The following ADORA3 variants were observed in gnomAD, a reference collection of about 807,000 sequenced individuals.
ADORA3 encodes adenosine A3 receptor, also known as adenosine receptor A3.
A neutral mutation model predicts 5.7 loss-of-function variants in ADORA3; 3 were observed. The ratio of observed to expected loss-of-function variants is 0.52; its 90% CI spans 0.24 to 1.35. ADORA3 has a LOEUF of 1.35. ADORA3 is among the 40% of genes most tolerant of loss of function. The probability of loss-of-function intolerance (pLI) is 0.17; values close to 1 mark genes in which losing one functional copy is unlikely to be tolerated. For synonymous variants in ADORA3, 168 were observed against 152.3 expected (o/e 1.10, Z -0.76); for missense variants, 343 against 389.0 (o/e 0.88, Z 0.99).
intron 1 of ADORA3, among the ~76,000 whole-genome samples, chr1:111,501,981 G>A (rs1416384906): frequency 6.8e-6 from 1 of 146,412 alleles, no homozygotes; most frequent in Non-Finnish European, 1.5e-5. Flanking sequence ...ATCTCAGGAG[G>A]AGGAGGAAAA....
At chr1:111,501,888 G>A (rs1655195399) in intron 1 of ADORA3, among the ~76,000 whole-genome samples, 1 of 151,464 alleles carries the variant, frequency 6.6e-6, no homozygotes, top group African/African-American at 2.4e-5. Flanking sequence ...GTCACCCGGG[G>A]AAGTAGATTT....
rs1655086773 is a variant in ADORA3 at position 111,500,097 on chromosome 1, C to G, written c.810G>C (p.Leu270=). Residue 270 remains leucine, a synonymous_variant, in exon 2 of 2, where the codon CTG becomes CTC. Transcript: ENST00000241356. ...GGTTCATCATGGAGTTGGCATGGGA[C>G]AGCAGGATGCCCATGTACAGCACAA... The part of the protein sequence containing the change: ...PQLVLYMGIL[L]SHANSMMNPI... 2 of 1,614,020 alleles carry G rather than the reference C, an allele frequency of 1.2e-6. No individual in the cohort carries two copies. The highest frequency in any genetic ancestry group is 1.7e-5 in the Admixed American group (1 of 60,006).
Position 111,499,600 on chromosome 1 carries a change from T to C in ADORA3, c.*350A>G, listed in dbSNP as rs75048140. ...TGGAAATGAGTCACCACCACACACA[T>C]GTTCAGCCCAACTGGAGCCTTTTGT... is the stretch of plus-strand genomic sequence containing the variant. On this transcript the variant is annotated 3_prime_UTR_variant, in exon 2 of 2. Transcript: ENST00000241356. 1,450 of 1,081,158 alleles carry C rather than the reference T, an allele frequency of 1.3e-3. 16 individuals carry two copies. In the African/African-American group the frequency reaches 0.023, roughly 17 times the overall value. 67.0% of individuals were successfully genotyped at this position (1,081,158 alleles called of 1,614,324 possible). A position where few individuals can be genotyped will look rare whatever the true frequency, so the allele number is the denominator to read the frequency against.
In ADORA3 at chr1:111,499,745, T is replaced by A. The variant is rs1290358095; in HGVS notation, c.*205A>T. 1.4e-6 allele frequency: 2 copies of A among 1,399,486 alleles called. No individual in the cohort carries two copies. Among genetic ancestry groups the A allele is most frequent in the African/African-American group, 1.4e-5 (1 of 69,092 alleles). The allele number at this position is 1,399,486 out of a possible 1,614,324, so 86.7% of individuals were successfully genotyped here. ...AAGTCAGGCCTCCAAAACACTGAAT[T>A]AGAGAGAAAGGACAAGGGAAAAATG... On this transcript the variant is annotated 3_prime_UTR_variant, in exon 2 of 2. Transcript: ENST00000241356.
Position 111,503,491 on chromosome 1 carries a change from A to T in ADORA3, c.-137T>A. ...ACAGTCTAAAATTCCCAACTTGCTC[A>T]TTCCTACCCTTTTCTGGTGGGGTGA... On this transcript the variant is annotated 5_prime_UTR_variant, in exon 1 of 2. It removes an upstream start codon present in the reference 5' UTR. Coordinates refer to ENST00000241356, the MANE Select transcript of ADORA3 (RefSeq NM_000677.4). 2 of 1,448,318 alleles carry T rather than the reference A, an allele frequency of 1.4e-6. No homozygotes were observed. The highest frequency in any genetic ancestry group is 1.8e-6 in the Non-Finnish European group (2 of 1,101,040). 89.7% of individuals were successfully genotyped at this position (1,448,318 alleles called of 1,614,324 possible).
At chr1:111,502,813 A>T (rs1655308474) in intron 1 of ADORA3, among the ~76,000 whole-genome samples, 192 bp downstream of exon 1, 1 of 152,022 alleles carries the variant, frequency 6.6e-6, no homozygotes, top group Non-Finnish European at 1.5e-5. Context: ...CATTCCTCTG[A>T]TTCTAGCTCC....
rs2100976778 is a variant in ADORA3, at chr1:111,500,090, C to T, written c.817G>A (p.Ala273Thr). 1.2e-6 allele frequency: 2 copies of T among 1,614,188 alleles called. No homozygotes were observed. The highest frequency in any genetic ancestry group is 8.5e-7 in the Non-Finnish European group (1 of 1,180,032). The change falls in exon 2 of 2, where the codon GCC becomes ACC. Residue 273 changes from alanine (A) to threonine (T), a missense_variant. Ala to Thr is a moderately conservative substitution (Grantham distance 58). Transcript: ENST00000241356. ...ACGATAGGGTTCATCATGGAGTTGG[C>T]ATGGGACAGCAGGATGCCCATGTAC... Reference protein sequence around the residue: ...VLYMGILLSHANSMMNPIVYA... With the variant: ...VLYMGILLSHTNSMMNPIVYA...
Position 111,500,594 on chromosome 1 carries a change from A to T in ADORA3, c.351-38T>A, listed in dbSNP as rs773814779. ...AGAGAGTCAGTGAGTCCACAGCAGT[A>T]ATTGCTAAAGGGTAGGGGAGATGGA... On this transcript the variant is annotated intron_variant, in intron 1 of 1. Coordinates refer to ENST00000241356, the MANE Select transcript of ADORA3 (RefSeq NM_000677.4). 47 of 1,596,580 alleles carry T rather than the reference A, an allele frequency of 2.9e-5. No homozygotes were observed. In the South Asian group the frequency reaches 5.0e-4, roughly 17 times the overall value.
chr1:111,501,680 G>T (rs1344649847), intron 1 of ADORA3, among the ~76,000 whole-genome samples: 1 of 152,160 alleles, frequency 6.6e-6, no homozygotes, highest in Admixed American at 6.5e-5. Flanking sequence ...AACAAGGTAA[G>T]TCTGAGTTCC....
rs144676120 is a variant in ADORA3, at chr1:111,500,371, T to G, written c.536A>C (p.Tyr179Ser). Residue 179 changes from tyrosine (Y) to serine (S), a missense_variant, in exon 2 of 2, where the codon TAC becomes TCC. Coordinates refer to ENST00000241356, the MANE Select transcript of ADORA3 (RefSeq NM_000677.4). The stretch of plus-strand genomic sequence containing the variant: ...GAAAATCCAGGTGAGGAAGCTGAAG[T>G]ATACCATGTAGTCCATTCTCATGAC... ...VSVMRMDYMVYFSFLTWIFIP... is the reference protein window; with the variant it reads ...VSVMRMDYMVSFSFLTWIFIP... 6.2e-6 allele frequency: 10 copies of G among 1,614,078 alleles called. No homozygotes were observed. In the Admixed American group the frequency reaches 8.3e-5, roughly 13 times the overall value.
In ADORA3 at chr1:111,503,220, G is replaced by A. The variant is rs751894820; in HGVS notation, c.135C>T (p.Thr45=). Reference sequence around the variant, plus strand: ...GAGAGACAATGAAATAGAAGGTGGTGGTCTGCAGGCTGGGGTTCAGCTTGA... The same window carrying A: ...GAGAGACAATGAAATAGAAGGTGGTAGTCTGCAGGCTGGGGTTCAGCTTGA... ...CVVKLNPSLQ[T]TTFYFIVSLA... Residue 45 remains threonine (T), a synonymous_variant, in exon 1 of 2, where the codon ACC becomes ACT. Coordinates refer to ENST00000241356, the MANE Select transcript of ADORA3 (RefSeq NM_000677.4). The A allele has an allele frequency of 5.6e-6, 9 of 1,614,246 alleles. No homozygotes were observed. Among genetic ancestry groups the A allele is most frequent in the Admixed American group, 5.0e-5 (3 of 60,022 alleles).
In ADORA3 at chr1:111,500,294, G is replaced by C; in HGVS notation, c.613C>G (p.Arg205Gly). Residue 205 changes from arginine to glycine, a missense_variant, in exon 2 of 2, where the codon CGG becomes GGG. Arg to Gly is a moderately radical substitution (Grantham distance 125, BLOSUM62 -2). Coordinates refer to ENST00000241356, the MANE Select transcript of ADORA3 (RefSeq NM_000677.4). ...AIYLDIFYII[R>G]NKLSLNLSNS... is the part of the protein sequence containing the mutation. ...GATAAGTTCAGACTGAGTTTGTTCC[G>C]AATGATGTAAAAGATGTCAAGATAG... 1 of 1,614,186 alleles carries C rather than the reference G, an allele frequency of 6.2e-7. No individual in the cohort carries two copies. The highest frequency in any genetic ancestry group is 8.5e-7 in the Non-Finnish European group (1 of 1,180,024).
chr1:111,500,707 C>T lies in ADORA3; in HGVS notation c.351-151G>A, dbSNP rs182390487. The T allele has an allele frequency of 4.4e-4, 313 of 713,124 alleles. 2 individuals carry two copies. The highest frequency in any genetic ancestry group is 4.2e-3 in the African/African-American group (239 of 56,656). 44.2% of individuals were successfully genotyped at this position (713,124 alleles called of 1,614,324 possible). A position where few individuals can be genotyped will look rare whatever the true frequency, so the allele number is the denominator to read the frequency against. The stretch of plus-strand genomic sequence containing the variant: ...TGCTAAGAGAGGGCAGCATTGATAT[C>T]CTATGGTGATTCCAGCTAAACTCCA... On this transcript the variant is annotated intron_variant, in intron 1 of 1. Coordinates refer to ENST00000241356, the MANE Select transcript of ADORA3 (RefSeq NM_000677.4).
rs1557823969 is a variant in ADORA3, at chr1:111,502,111, AT to A, written c.350+893del. On this transcript the variant is annotated intron_variant, in intron 1 of 1. Transcript: ENST00000241356. ...TATATATAGGAGATATATATTTAAT[AT>A]AATAAATATATAGGATATATATTTA... is the stretch of plus-strand genomic sequence containing the variant. Among the ~76,000 whole-genome samples the A allele has an allele frequency of 5.3e-5, 6 of 112,708 alleles. No individual in the cohort carries two copies. In the East Asian group the frequency reaches 6.9e-4, roughly 13 times the overall value. 73.9% of individuals were successfully genotyped at this position (112,708 alleles called of 152,430 possible).
In ADORA3 at chr1:111,499,819, C is replaced by T. The variant is rs1420945956; in HGVS notation, c.*131G>A. ...GTGGGGGAGATATAATTGGGGAGCACTGGAGATGCTCCCACCTCAGTGGAA... is the reference window on the plus strand; with the variant it reads ...GTGGGGGAGATATAATTGGGGAGCATTGGAGATGCTCCCACCTCAGTGGAA... On this transcript the variant is annotated 3_prime_UTR_variant, in exon 2 of 2. Coordinates refer to ENST00000241356, the MANE Select transcript of ADORA3 (RefSeq NM_000677.4). 1 of 1,505,290 alleles carries T rather than the reference C, an allele frequency of 6.6e-7. No homozygotes were observed. Among genetic ancestry groups the T allele is most frequent in the Non-Finnish European group, 8.8e-7 (1 of 1,133,940 alleles). The allele number at this position is 1,505,290 out of a possible 1,614,324, so 93.2% of individuals were successfully genotyped here.
chr1:111,501,000 T>C, intron 1 of ADORA3: 1 of 195,716 alleles, frequency 5.1e-6, no homozygotes, highest in Non-Finnish European at 1.1e-5. Flanking sequence ...ACTCCTTCTG[T>C]TCCCAATAAG....
rs982694080 is a variant in ADORA3 at position 111,500,169 on chromosome 1, T to C, written c.738A>G (p.Leu246=). Residue 246 remains leucine (L), a synonymous_variant, in exon 2 of 2, where the codon TTA becomes TTG. Transcript: ENST00000241356. ...LFLFALSWLP[L]SIINCIIYFN... is the part of the protein sequence containing the mutation. ...AGTAGATGATGCAGTTGATGATAGATAAAGGCAGCCATGACAGAGCAAACA... is the reference window on the plus strand; with the variant it reads ...AGTAGATGATGCAGTTGATGATAGACAAAGGCAGCCATGACAGAGCAAACA... 5 of 1,614,116 alleles carry C rather than the reference T, an allele frequency of 3.1e-6. No individual in the cohort carries two copies. The highest frequency in any genetic ancestry group is 1.3e-5 in the African/African-American group (1 of 75,014).
chr1:111,500,431 C>T lies in ADORA3; in HGVS notation c.476G>A (p.Arg159Lys), dbSNP rs1439276880. Residue 159 changes from arginine (R) to lysine (K), a missense_variant, in exon 2 of 2, where the codon AGA becomes AAA. Coordinates refer to ENST00000241356, the MANE Select transcript of ADORA3 (RefSeq NM_000677.4). ...WNMKLTSEYH[R>K]NVTFLSCQFV... is the part of the protein sequence containing the mutation. ...TTGGCATGAAAGGAAGGTGACATTT[C>T]TGTGGTACTCTGAGGTCAGTTTCAT... The T allele has an allele frequency of 1.9e-6, 3 of 1,614,204 alleles. No homozygotes were observed. Among genetic ancestry groups the T allele is most frequent in the Non-Finnish European group, 2.5e-6 (3 of 1,180,034 alleles).
intron 1 of ADORA3, among the ~76,000 whole-genome samples, chr1:111,502,138 A>T (rs28760561): frequency 0.2 from 5,571 of 28,540 alleles, 1,191 homozygotes; most frequent in Non-Finnish European, 0.24. Flanking sequence ...TATATATTTA[A>T]TATAATAAAT....
Sources: allele counts gnomAD v4.1 joint callset (sites outside exome capture counted in the v4.1 genomes callset), GRCh38; gene constraint gnomAD v4.1.1; transcripts MANE v1.5; gene names NCBI Gene and HGNC (gene_info 2026-07-23, HGNC 2026-07-21).